SLC6A14: variants seen among roughly 807,000 people sequenced by gnomAD.
The protein encoded by SLC6A14 is solute carrier family 6 member 14, also known as sodium- and chloride-dependent neutral and basic amino acid transporter B(0+).
A neutral mutation model predicts 51.4 loss-of-function variants in SLC6A14; 21 were observed. That is an observed-to-expected ratio of 0.41 (90% CI 0.29 to 0.59). The LOEUF is 0.59. SLC6A14 is among the 20% of genes least tolerant of loss of function. The pLI, the probability that SLC6A14 is intolerant of heterozygous loss-of-function variation, is 0.31. For synonymous variants in SLC6A14, 177 were observed against 160.7 expected, an observed-to-expected ratio of 1.10 and a Z score of -0.77; for missense variants, 371 against 472.8, an observed-to-expected ratio of 0.78 and a Z score of 2.00.
chrX:116,438,105 A>G (rs782308340), intron 2 of SLC6A14, 150 bp downstream of exon 2: 62 of 445,086 alleles, frequency 1.4e-4, no homozygotes, highest in Admixed American at 1.9e-4. Flanking sequence ...AAACAAGCAT[A>G]TTGAATTTAT....
chrX:116,437,968 A>ACGGGGGGGGC lies in SLC6A14; in HGVS notation c.214+14_214+15insGGGGGGGGCC. The ACGGGGGGGGC allele has an allele frequency of 8.9e-7, 1 of 1,122,111 alleles. No homozygotes were observed. The highest frequency in any genetic ancestry group is 1.2e-6 in the Non-Finnish European group (1 of 840,355). 92.5% of individuals were successfully genotyped at this position (1,122,111 alleles called of 1,213,427 possible). A position where few individuals can be genotyped will look rare whatever the true frequency, so the allele number is the denominator to read the frequency against. ...AGCAATGGTGGAGGTATTCTATTTC[A>ACGGGGGGGGC]CCCCCACCCTCCCACCCCCGCTTTT... On this transcript the variant is annotated intron_variant, in intron 2 of 13. Coordinates refer to ENST00000598581, the MANE Select transcript of SLC6A14 (RefSeq NM_007231.5).
Position 116,458,959 on chromosome X carries a change from C to A in SLC6A14, c.*4C>A, listed in dbSNP as rs1556694983. ...TGGCAGCAGAAAACCGGAATGAGAT[C>A]TCATTGAAAAAAATATATGATTGTA... On this transcript the variant is annotated 3_prime_UTR_variant, in exon 14 of 14. Transcript: ENST00000598581. 6 of 1,182,812 alleles carry A rather than the reference C, an allele frequency of 5.1e-6. No homozygotes were observed. Among genetic ancestry groups the A allele is most frequent in the Admixed American group, 2.4e-5 (1 of 41,849 alleles).
intron 4 of SLC6A14, among the ~76,000 whole-genome samples, chrX:116,443,173 A>G (rs1412488715): frequency 1.8e-5 from 2 of 111,195 alleles, no homozygotes; most frequent in Non-Finnish European, 3.8e-5. Context: ...GGTGTTGTTC[A>G]TGTCATATGT....
chrX:116,448,542 T>C (rs782353633), intron 7 of SLC6A14, among the ~76,000 whole-genome samples: 1 of 112,077 alleles, frequency 8.9e-6, no homozygotes, highest in South Asian at 3.7e-4. Context: ...TAAATTATGT[T>C]AATGTACTTG....
chrX:116,454,850 C>T (rs191613883), intron 10 of SLC6A14, 127 bp from the exon 11 acceptor site: 27,723 of 485,352 alleles, frequency 0.057, 668 homozygotes, highest in South Asian at 0.08. Context: ...CATTGCTTTT[C>T]GCATTTTAGC....
At position 116,457,746 on chromosome X, in the gene SLC6A14, A is replaced by C; in HGVS notation, c.1752A>C (p.Lys584Asn). Residue 584 changes from lysine (K) to asparagine (N), a missense_variant, in exon 13 of 14, where the codon AAA becomes AAC. Physicochemically the swap from Lys to Asn is moderately conservative, Grantham distance 94. Transcript: ENST00000598581. ...GGATTCCAATTATGGCTATCATAAA[A>C]ATAATTCAGGCTAAAGGAAACATCT... ...IIWIPIMAII[K>N]IIQAKGNIFQ... 1 of 1,202,826 alleles carries C rather than the reference A, an allele frequency of 8.3e-7. No individual in the cohort carries two copies. The highest frequency in any genetic ancestry group is 1.1e-6 in the Non-Finnish European group (1 of 887,775).
At chrX:116,442,554 C>T (rs1569539616) in intron 3 of SLC6A14, 133 bp from the exon 4 acceptor site, 6 of 488,392 alleles carry the variant, frequency 1.2e-5, no homozygotes, top group East Asian at 8.5e-5. Flanking sequence ...CATGAGCCAC[C>T]GCACCCTGCC....
At chrX:116,436,906 G>C (rs1556693322) in intron 1 of SLC6A14, 149 bp downstream of exon 1, 6 of 462,619 alleles carry the variant, frequency 1.3e-5, no homozygotes, top group Admixed American at 4.1e-5. Context: ...TATACCTATA[G>C]AGTAGAGAAG....
At chrX:116,452,929 T>G in intron 8 of SLC6A14, 88 bp from the exon 9 acceptor site, 61 of 756,168 alleles carry the variant, frequency 8.1e-5, no homozygotes, top group Non-Finnish European at 9.3e-5. Context: ...CCAAATAAGA[T>G]GAGATTTTTC....
At chrX:116,451,876 A>G (rs782739246) in intron 8 of SLC6A14, among the ~76,000 whole-genome samples, 1 of 112,081 alleles carries the variant, frequency 8.9e-6, no homozygotes, top group Non-Finnish European at 1.9e-5. Context: ...TTAAGGAAAT[A>G]TTGCTGAAGA....
intron 9 of SLC6A14, among the ~76,000 whole-genome samples, chrX:116,453,503 A>C (rs1458300409): frequency 5.4e-5 from 6 of 111,030 alleles, no homozygotes; most frequent in Non-Finnish European, 9.5e-5. Context: ...ATGTCTGTAC[A>C]TATCATATAC....
intron 7 of SLC6A14, among the ~76,000 whole-genome samples, chrX:116,450,743 T>A (rs1927807183): frequency 9.0e-6 from 1 of 111,221 alleles, no homozygotes; most frequent in South Asian, 3.8e-4. Context: ...TTGAGACCAG[T>A]CTGGCCAACA....
At chrX:116,446,479 T>C (rs1329705060) in intron 6 of SLC6A14, among the ~76,000 whole-genome samples, 3 of 111,589 alleles carry the variant, frequency 2.7e-5, no homozygotes, top group African/African-American at 9.8e-5. Context: ...GATCCCAAGT[T>C]ATCACTGCTG....
chrX:116,452,947 T>G (rs1927850888), intron 8 of SLC6A14, 70 bp from the exon 9 acceptor site: 42 of 890,536 alleles, frequency 4.7e-5, no homozygotes, highest in Admixed American at 1.4e-4. Flanking sequence ...TTCTAATATC[T>G]TATGTTTTAA....
At chrX:116,450,929 ACT>A (rs1261998440) in intron 7 of SLC6A14, among the ~76,000 whole-genome samples, 7 of 111,974 alleles carry the variant, frequency 6.3e-5, no homozygotes, top group Admixed American at 4.8e-4. Flanking sequence ...ACAGAGCGAG[ACT>A]CTGTCTCAAA....
chrX:116,455,049 G>A lies in SLC6A14; in HGVS notation c.1477G>A (p.Glu493Lys). ...GGGCATTTTAATTGCAGCTATACTG[G>A]AGCTAGTTGGAATCATCTGGATTTA... ...GWGILIAAIL[E>K]LVGIIWIYGG... is the part of the protein sequence containing the mutation. The change falls in exon 11 of 14, where the codon GAG (glutamate) becomes AAG (lysine). Residue 493 changes from glutamate to lysine, a missense_variant. Around this residue, in one of 2 missense-constraint regions of SLC6A14, gnomAD observed 277 missense variants for 391.8 expected, o/e 0.71. Coordinates refer to ENST00000598581, the MANE Select transcript of SLC6A14 (RefSeq NM_007231.5). The A allele has an allele frequency of 8.4e-7, 1 of 1,189,548 alleles. No homozygotes were observed. The highest frequency in any genetic ancestry group is 1.1e-6 in the Non-Finnish European group (1 of 877,553).
chrX:116,447,352 G>A (rs141551329), intron 7 of SLC6A14, among the ~76,000 whole-genome samples: 5,329 of 111,602 alleles, frequency 0.048, 329 homozygotes, highest in African/African-American at 0.17. Context: ...AGTGAATTGT[G>A]AAGTTAAAAC....
chrX:116,450,925 C>T (rs1320711340), intron 7 of SLC6A14, among the ~76,000 whole-genome samples: 1 of 111,396 alleles, frequency 9.0e-6, no homozygotes, highest in Admixed American at 9.6e-5. Flanking sequence ...GATGACAGAG[C>T]GAGACTCTGT....
At chrX:116,456,130 A>G (rs1315478576) in intron 12 of SLC6A14, among the ~76,000 whole-genome samples, 1 of 111,235 alleles carries the variant, frequency 9.0e-6, no homozygotes, top group Non-Finnish European at 1.9e-5. Context: ...ATGGCTGAGC[A>G]CCAAAATAAA....
Sources: gnomAD v4.1 joint callset for allele counts (sites outside exome capture counted in the v4.1 genomes callset) on GRCh38, gnomAD v4.1.1 for gene constraint, gnomAD v4.1.1 regional missense constraint, MANE v1.5 for transcripts, NCBI Gene and HGNC (gene_info 2026-07-23, HGNC 2026-07-21) for gene names.